Variants in ATF6B observed in about 807,000 individuals in gnomAD.
The protein encoded by ATF6B is cyclic AMP-dependent transcription factor ATF-6 beta.
A neutral mutation model predicts 83.5 loss-of-function variants in ATF6B; 50 were observed. The ratio of observed to expected loss-of-function variants is 0.60; its 90% CI spans 0.48 to 0.76. ATF6B has a LOEUF of 0.76. ATF6B is among the 30% of genes least tolerant of loss of function. The probability of loss-of-function intolerance (pLI) is 0.00; values close to 1 mark genes in which losing one functional copy is unlikely to be tolerated. For missense variants in ATF6B, 790 were observed against 893.8 expected (o/e 0.88, Z 1.48); for synonymous variants, 344 against 362.8 (o/e 0.95, Z 0.59).
In ATF6B at chr6:32,119,202, T is replaced by C. The variant is rs1307469236; in HGVS notation, c.967-61A>G. The C allele has an allele frequency of 6.5e-7, 1 of 1,528,978 alleles. No individual in the cohort carries two copies. The highest frequency in any genetic ancestry group is 8.8e-7 in the Non-Finnish European group (1 of 1,140,564). 94.7% of individuals were successfully genotyped at this position (1,528,978 alleles called of 1,614,324 possible). On this transcript the variant is annotated intron_variant, in intron 9 of 17. Coordinates refer to ENST00000375203, the MANE Select transcript of ATF6B (RefSeq NM_004381.5). The surrounding 1 kb of genome is among the most constrained non-coding windows in gnomAD (Gnocchi z 4.9). ...GAGTTGGCAGAAGGAGACTATGCTCTCAAACCCCAAGGAATGATTTACCCA... is the reference window on the plus strand; with the variant it reads ...GAGTTGGCAGAAGGAGACTATGCTCCCAAACCCCAAGGAATGATTTACCCA...
chr6:32,121,383 C>T (rs1781762328), intron 5 of ATF6B, 35 bp from the exon 6 acceptor site: 1 of 1,580,588 alleles, frequency 6.3e-7, no homozygotes, highest in Non-Finnish European at 8.7e-7. Context: ...AGCTGGATAT[C>T]ATGTAAACAC....
In ATF6B at chr6:32,117,987, C is replaced by T; in HGVS notation, c.1296G>A (p.Glu432=). 6.2e-7 allele frequency: 1 copy of T among 1,614,096 alleles called. No individual in the cohort carries two copies. The highest frequency in any genetic ancestry group is 2.2e-5 in the East Asian group (1 of 44,880). ...CCAGCAAGTGTCTCCGGGGTTGAGGCTCCCCCTTGTTCATCCGAGGAGAGA... is the reference window on the plus strand; with the variant it reads ...CCAGCAAGTGTCTCCGGGGTTGAGGTTCCCCCTTGTTCATCCGAGGAGAGA... ...APISPRMNKG[E]PQPRRHLLGF... is the part of the protein sequence containing the mutation. The change falls in exon 12 of 18, where the codon GAG becomes GAA. Residue 432 remains glutamate (E), a synonymous_variant. Coordinates refer to ENST00000375203, the MANE Select transcript of ATF6B (RefSeq NM_004381.5). This position sits in a 1 kb window ranked among gnomAD's most constrained non-coding sequence, Gnocchi z 5.0.
chr6:32,122,845 C>CAAA (rs746213748), intron 5 of ATF6B, among the ~76,000 whole-genome samples: 2 of 52,674 alleles, frequency 3.8e-5, no homozygotes, highest in African/African-American at 7.3e-5. Flanking sequence ...GACTCTGTCT[C>CAAA]AAAAAAAAAA....
At chr6:32,122,407 A>G (rs1781797719) in intron 5 of ATF6B, among the ~76,000 whole-genome samples, 1 of 152,238 alleles carries the variant, frequency 6.6e-6, no homozygotes, top group African/African-American at 2.4e-5. Context: ...ACAGGTCAAC[A>G]GTCCACCACT....
rs1211631311 is a variant in ATF6B, at chr6:32,117,300, C to G, written c.1614+23G>C. The G allele has an allele frequency of 1.2e-6, 2 of 1,610,512 alleles. No homozygotes were observed. Among genetic ancestry groups the G allele is most frequent in the East Asian group, 4.5e-5 (2 of 44,842 alleles). ...TAGCCCTTGTCTTCAAGTGGCCTTC[C>G]TTGAACCAGCCACCCGCCCTACCTG... On this transcript the variant is annotated intron_variant, in intron 14 of 17. Transcript: ENST00000375203. The surrounding 1 kb of genome is among the most constrained non-coding windows in gnomAD (Gnocchi z 5.0).
Position 32,119,873 on chromosome 6 carries a change from C to A in ATF6B, c.917G>T (p.Ser306Ile). ...TCCAGGCATAGGAGCGGGAACGATG[C>A]TCTTCCTCTCAGGCCGTGGTAGAGA... ...APSLPRPERK[S>I]IVPAPMPGNS... Residue 306 changes from serine (S) to isoleucine (I), a missense_variant, in exon 9 of 18, where the codon AGC becomes ATC. Physicochemically the swap from Ser to Ile is moderately radical, Grantham distance 142. This residue lies in a region of ATF6B where 530 missense variants were observed against 632.6 expected (regional missense o/e 0.84). Transcript: ENST00000375203. The surrounding 1 kb of genome is among the most constrained non-coding windows in gnomAD (Gnocchi z 4.9). The A allele has an allele frequency of 6.2e-7, 1 of 1,614,198 alleles. No homozygotes were observed. The highest frequency in any genetic ancestry group is 2.2e-5 in the East Asian group (1 of 44,882).
intron 8 of ATF6B, 21 bp downstream of exon 8, chr6:32,120,750 C>T: frequency 1.2e-6 from 2 of 1,606,524 alleles, no homozygotes; most frequent in Non-Finnish European, 1.7e-6. Flanking sequence ...CATGCCCGGC[C>T]CTTTTCTCCT....
chr6:32,128,234 G>A lies in ATF6B; in HGVS notation c.-27C>T, dbSNP rs1206015061. On this transcript the variant is annotated 5_prime_UTR_variant, in exon 1 of 18. Transcript: ENST00000375203. ...TTTCCCCCCCACCCCCCAACCAGGA[G>A]ACGGTTCCCAAGGCCCGCCTCTCCC... 2 of 1,442,286 alleles carry A rather than the reference G, an allele frequency of 1.4e-6. No homozygotes were observed. The highest frequency in any genetic ancestry group is 1.8e-6 in the Non-Finnish European group (2 of 1,093,224). The allele number at this position is 1,442,286 out of a possible 1,614,324, so 89.3% of individuals were successfully genotyped here.
At chr6:32,124,609 G>A (rs1159583443) in intron 5 of ATF6B, among the ~76,000 whole-genome samples, 3 of 152,128 alleles carry the variant, frequency 2.0e-5, no homozygotes, top group East Asian at 1.9e-4. Flanking sequence ...CCCCTTAGCA[G>A]GGGCCCCACC....
chr6:32,128,013 G>A (rs753785572), intron 1 of ATF6B, 104 bp downstream of exon 1: 1 of 1,372,274 alleles, frequency 7.3e-7, no homozygotes, highest in Non-Finnish European at 1.0e-6. Context: ...TCCTTCAGAT[G>A]GCGGATTCCG....
Position 32,117,091 on chromosome 6 carries a change from T to C in ATF6B, c.1631A>G (p.Lys544Arg). ...AQERQKSQPR[K>R]KSPPVKAVPI... ...GACTGCCTTAACTGGAGGTGACTTC[T>C]TCCGTGGCTGAGACTTCTGGAAGGA... is the stretch of plus-strand genomic sequence containing the variant. The change falls in exon 15 of 18, where the codon AAG becomes AGG. Residue 544 changes from lysine to arginine, a missense_variant. Physicochemically the swap from Lys to Arg is conservative, Grantham distance 26 (BLOSUM62 2). Around this residue, in one of 3 missense-constraint regions of ATF6B, gnomAD observed 530 missense variants for 632.6 expected, o/e 0.84. Coordinates refer to ENST00000375203, the MANE Select transcript of ATF6B (RefSeq NM_004381.5). This position sits in a 1 kb window ranked among gnomAD's most constrained non-coding sequence, Gnocchi z 5.0. 6.2e-7 allele frequency: 1 copy of C among 1,614,078 alleles called. No individual in the cohort carries two copies. Among genetic ancestry groups the C allele is most frequent in the Non-Finnish European group, 8.5e-7 (1 of 1,179,984 alleles).
In ATF6B at chr6:32,119,868, C is replaced by A. The variant is rs753043823; in HGVS notation, c.922G>T (p.Val308Phe). 1.2e-6 allele frequency: 2 copies of A among 1,614,156 alleles called. No individual in the cohort carries two copies. The highest frequency in any genetic ancestry group is 8.5e-7 in the Non-Finnish European group (1 of 1,180,018). The change falls in exon 9 of 18, where the codon GTT becomes TTT. Residue 308 changes from valine to phenylalanine, a missense_variant. Val to Phe is a conservative substitution (Grantham distance 50). This residue lies in a region of ATF6B where 530 missense variants were observed against 632.6 expected (regional missense o/e 0.84). Coordinates refer to ENST00000375203, the MANE Select transcript of ATF6B (RefSeq NM_004381.5). The surrounding 1 kb of genome is among the most constrained non-coding windows in gnomAD (Gnocchi z 4.9). The stretch of plus-strand genomic sequence containing the variant: ...GAGTTTCCAGGCATAGGAGCGGGAA[C>A]GATGCTCTTCCTCTCAGGCCGTGGT... ...SLPRPERKSI[V>F]PAPMPGNSCP...
Position 32,118,957 on chromosome 6 carries a change from T to A in ATF6B, c.1151A>T (p.Glu384Val). 6.2e-7 allele frequency: 1 copy of A among 1,613,842 alleles called. No individual in the cohort carries two copies. Among genetic ancestry groups the A allele is most frequent in the Non-Finnish European group, 8.5e-7 (1 of 1,179,794 alleles). The change falls in exon 10 of 18, where the codon GAA (glutamate) becomes GTA (valine). Residue 384 changes from glutamate to valine, a missense_variant and splice_region_variant. By Grantham distance (121) the Glu-to-Val change is moderately radical. Around this residue, in one of 3 missense-constraint regions of ATF6B, gnomAD observed 530 missense variants for 632.6 expected, o/e 0.84. Transcript: ENST00000375203. The surrounding 1 kb of genome is among the most constrained non-coding windows in gnomAD (Gnocchi z 5.2). ...CTCCCAGGGACAGACTGGTCTTACTTCAGCCAGCAGGGCCTCCAGCCGCCG... is the reference window on the plus strand; with the variant it reads ...CTCCCAGGGACAGACTGGTCTTACTACAGCCAGCAGGGCCTCCAGCCGCCG... ...LRRRLEALLA[E>V]NSELKLGSGN...
At chr6:32,122,861 A>C (rs1163514386) in intron 5 of ATF6B, among the ~76,000 whole-genome samples, 6 of 151,082 alleles carry the variant, frequency 4.0e-5, no homozygotes, top group African/African-American at 1.2e-4. Flanking sequence ...AAAAAAAAAA[A>C]AAAACTTCCC....
chr6:32,120,007 T>C (rs755568000), intron 8 of ATF6B, 50 bp from the exon 9 acceptor site: 1 of 1,579,094 alleles, frequency 6.3e-7, no homozygotes, highest in Non-Finnish European at 8.6e-7. Context: ...GTGGGGTCCT[T>C]GTGTCCACAC....
At chr6:32,127,888 G>A in intron 1 of ATF6B, 138 bp from the exon 2 acceptor site, 1 of 1,070,200 alleles carries the variant, frequency 9.3e-7, no homozygotes, top group East Asian at 2.5e-5. Flanking sequence ...TACAACCAGG[G>A]CGCTTCAGCC....
chr6:32,122,469 T>C (rs1781800116), intron 5 of ATF6B, among the ~76,000 whole-genome samples: 1 of 152,176 alleles, frequency 6.6e-6, no homozygotes. Context: ...ATCACTAAGA[T>C]TGCTTTTTAA....
Position 32,116,536 on chromosome 6 carries a change from T to G in ATF6B, c.1826A>C (p.His609Pro). ...RDHLLLPAIS[H>P]NKTSRPKMSL... Reference sequence around the variant, plus strand: ...CATCTTGGGCCGGGAGGTCTTGTTGTGGCTGATGGCTGGGAGCAGCAGGTG... The same window carrying G: ...CATCTTGGGCCGGGAGGTCTTGTTGGGGCTGATGGCTGGGAGCAGCAGGTG... The change falls in exon 17 of 18, where the codon CAC becomes CCC. Residue 609 changes from histidine (H) to proline (P), a missense_variant. Transcript: ENST00000375203. This position sits in a 1 kb window ranked among gnomAD's most constrained non-coding sequence, Gnocchi z 5.1. 1 of 1,602,100 alleles carries G rather than the reference T, an allele frequency of 6.2e-7. No individual in the cohort carries two copies. The highest frequency in any genetic ancestry group is 8.5e-7 in the Non-Finnish European group (1 of 1,173,378).
chr6:32,123,733 A>G (rs563504598), intron 5 of ATF6B, among the ~76,000 whole-genome samples: 1 of 152,162 alleles, frequency 6.6e-6, no homozygotes, highest in Non-Finnish European at 1.5e-5. Flanking sequence ...TTTTTATAAC[A>G]TGTATTAATC....
Sources: allele counts gnomAD v4.1 joint callset (sites outside exome capture counted in the v4.1 genomes callset), GRCh38; gene constraint gnomAD v4.1.1; regional missense constraint gnomAD v4.1.1; non-coding constraint Gnocchi (gnomAD v3.1); transcripts MANE v1.5; gene names NCBI Gene and HGNC (gene_info 2026-07-23, HGNC 2026-07-21).